MTF2: variants seen among roughly 807,000 people sequenced by gnomAD.
MTF2 encodes metal response element binding transcription factor 2, also known as metal-response element-binding transcription factor 2.
MTF2 carries 11 observed loss-of-function variants against 79.5 expected under a neutral mutation model. The observed-to-expected ratio is 0.14, with a 90% CI of 0.09 to 0.23. The LOEUF is 0.23. MTF2 is among the 10% of genes least tolerant of loss of function. The pLI is 1.00. For synonymous variants in MTF2, 208 were observed against 232.8 expected, an observed-to-expected ratio of 0.89 and a Z score of 0.97; for missense variants, 486 against 711.2, an observed-to-expected ratio of 0.68 and a Z score of 3.60.
At chr1:93,122,637 T>C (rs1392176608) in intron 9 of MTF2, among the ~76,000 whole-genome samples, 2 of 152,142 alleles carry the variant, frequency 1.3e-5, no homozygotes, top group African/African-American at 4.8e-5. Flanking sequence ...GCAAATTATT[T>C]CCACTTTTTG....
intron 1 of MTF2, among the ~76,000 whole-genome samples, chr1:93,087,459 C>G (rs544514009): frequency 6.6e-6 from 1 of 151,974 alleles, no homozygotes; most frequent in African/African-American, 2.4e-5. Context: ...GTAATCCCAG[C>G]TACTCAGGAG....
At chr1:93,081,566 C>G (rs1356589823) in intron 1 of MTF2, among the ~76,000 whole-genome samples, 1 of 152,094 alleles carries the variant, frequency 6.6e-6, no homozygotes, top group African/African-American at 2.4e-5. Context: ...ACTTTGTTTT[C>G]CCTGTTCTTC....
Position 93,110,372 on chromosome 1 carries a change from C to G in MTF2, c.148C>G (p.Gln50Glu). ...GCCAGCATGTAAATTTGAAGAGGGT[C>G]AGGATGTCCTAGCTAGATGGTCAGA... ...KKPACKFEEG[Q>E]DVLARWSDGL... is the part of the protein sequence containing the mutation. Residue 50 changes from glutamine (Q) to glutamate (E), a missense_variant, in exon 2 of 15, where the codon CAG (glutamine) becomes GAG (glutamate). This residue lies in a region of MTF2 where 75 missense variants were observed against 83.8 expected (regional missense o/e 0.89). Coordinates refer to ENST00000370298, the MANE Select transcript of MTF2 (RefSeq NM_007358.4). 6.2e-7 allele frequency: 1 copy of G among 1,614,156 alleles called. No individual in the cohort carries two copies. Among genetic ancestry groups the G allele is most frequent in the Non-Finnish European group, 8.5e-7 (1 of 1,180,034 alleles).
Position 93,102,613 on chromosome 1 carries a change from C to T in MTF2, c.6-7617C>T, listed in dbSNP as rs145972763. 4.5e-3 allele frequency among the ~76,000 whole-genome samples: 682 copies of T among 151,584 alleles called. 1 individual carries two copies. The highest frequency in any genetic ancestry group is 0.014 in the Middle Eastern group (4 of 294). ...TCTCAAAAAAAAAATTGTTAACAAA[C>T]CTATGAGAAACATGCTTTTTTACTA... On this transcript the variant is annotated intron_variant, in intron 1 of 14. Coordinates refer to ENST00000370298, the MANE Select transcript of MTF2 (RefSeq NM_007358.4).
chr1:93,104,032 G>A (rs908890792), intron 1 of MTF2, among the ~76,000 whole-genome samples: 4 of 151,886 alleles, frequency 2.6e-5, no homozygotes, highest in Non-Finnish European at 5.9e-5. Context: ...TCTACCTCCT[G>A]GGCTCAAGTG....
rs753754787 is a variant in MTF2, at chr1:93,136,778, G to T, written c.1533G>T (p.Gln511His). 3.1e-6 allele frequency: 5 copies of T among 1,614,158 alleles called. No individual in the cohort carries two copies. Among genetic ancestry groups the T allele is most frequent in the Non-Finnish European group, 4.2e-6 (5 of 1,180,010 alleles). The stretch of plus-strand genomic sequence containing the variant: ...TTCCAAGAAGAGCACTCCAGACTCA[G>T]AACTCAGAAATTGTAAAAGATGATG... ...GRLPRRALQT[Q>H]NSEIVKDDEG... Residue 511 changes from glutamine to histidine, a missense_variant, in exon 15 of 15, where the codon CAG becomes CAT. Around this residue, in one of 4 missense-constraint regions of MTF2, gnomAD observed 209 missense variants for 206.5 expected, o/e 1.01. Coordinates refer to ENST00000370298, the MANE Select transcript of MTF2 (RefSeq NM_007358.4).
intron 1 of MTF2, among the ~76,000 whole-genome samples, chr1:93,089,634 G>A (rs748653012): frequency 2.4e-4 from 37 of 152,104 alleles, no homozygotes; most frequent in Admixed American, 8.5e-4. Context: ...TCACGGTAGC[G>A]TTTGAACTCC....
At chr1:93,128,437 T>C (rs552727869) in intron 10 of MTF2, among the ~76,000 whole-genome samples, 1 of 151,632 alleles carries the variant, frequency 6.6e-6, no homozygotes, top group Non-Finnish European at 1.5e-5. Context: ...CACACCTGTA[T>C]TCCCAGCTAC....
rs3066513 is a variant in MTF2, at chr1:93,137,626, C to CAT, written c.*599_*600insAT. The CAT allele has an allele frequency of 0.89, 136,197 of 152,458 alleles. 61,090 individuals are homozygous for CAT. Among genetic ancestry groups the CAT allele is most frequent in the African/African-American group, 0.94 (39,194 of 41,498 alleles). 9.4% of individuals were successfully genotyped at this position (152,458 alleles called of 1,614,324 possible). A position where few individuals can be genotyped will look rare whatever the true frequency, so the allele number is the denominator to read the frequency against. On this transcript the variant is annotated 3_prime_UTR_variant, in exon 15 of 15. Coordinates refer to ENST00000370298, the MANE Select transcript of MTF2 (RefSeq NM_007358.4). ...TCTTGCATGTGCATATATATACACA[C>CAT]GTGTATATATATGTGTGTGATTATG... is the stretch of plus-strand genomic sequence containing the variant.
intron 1 of MTF2, among the ~76,000 whole-genome samples, chr1:93,094,024 C>G (rs887032668): frequency 1.3e-5 from 2 of 152,008 alleles, no homozygotes; most frequent in African/African-American, 4.8e-5. Context: ...ATTCTCAGTC[C>G]CTTGTTAGTT....
chr1:93,104,120 T>TTG (rs1322032156), intron 1 of MTF2, among the ~76,000 whole-genome samples: 6 of 149,842 alleles, frequency 4.0e-5, no homozygotes, highest in African/African-American at 9.8e-5. Context: ...TTTTTTTTTT[T>TTG]GTAGAGACAA....
In MTF2 at chr1:93,111,197, GT is replaced by G. The variant is rs143369250; in HGVS notation, c.286+574del. On this transcript the variant is annotated intron_variant, in intron 3 of 14. Coordinates refer to ENST00000370298, the MANE Select transcript of MTF2 (RefSeq NM_007358.4). ...ATTTCTATTATTAGAAACCATGATT[GT>G]TTCATGCTTTTAGCATCTGCTAAAT... Among the ~76,000 whole-genome samples, 494 of 152,212 alleles carry G rather than the reference GT, an allele frequency of 3.2e-3. 2 individuals are homozygous for G. The highest frequency in any genetic ancestry group is 0.011 in the African/African-American group (456 of 41,538).
At chr1:93,119,107 T>G (rs1381885918) in intron 7 of MTF2, among the ~76,000 whole-genome samples, 1 of 152,224 alleles carries the variant, frequency 6.6e-6, no homozygotes, top group African/African-American at 2.4e-5. Context: ...TCTCCAATGG[T>G]TAAAAACAAA....
At chr1:93,093,030 A>C (rs1343144536) in intron 1 of MTF2, among the ~76,000 whole-genome samples, 4 of 152,032 alleles carry the variant, frequency 2.6e-5, no homozygotes, top group African/African-American at 7.2e-5. Context: ...AAAATACAAA[A>C]AATTAGCCAG....
At chr1:93,079,897 G>A (rs192603226) in intron 1 of MTF2, among the ~76,000 whole-genome samples, 1 of 151,914 alleles carries the variant, frequency 6.6e-6, no homozygotes, top group Non-Finnish European at 1.5e-5. Context: ...GAGCCGAGAG[G>A]AGGAGCCGTT....
At chr1:93,117,052 TATGGGA>T (rs1656276762) in intron 6 of MTF2, among the ~76,000 whole-genome samples, 2 of 152,174 alleles carry the variant, frequency 1.3e-5, no homozygotes, top group African/African-American at 4.8e-5. Flanking sequence ...TTTGAAATAT[TATGGGA>T]ATTTCCAAAA....
intron 1 of MTF2, among the ~76,000 whole-genome samples, chr1:93,104,677 CA>C (rs35746040): frequency 0.63 from 61,044 of 96,222 alleles, 18,488 homozygotes; most frequent in East Asian, 0.88. Context: ...GACTCCATCT[CA>C]AAAAAAAAAA....
intron 6 of MTF2, among the ~76,000 whole-genome samples, 181 bp downstream of exon 6, chr1:93,115,799 C>T (rs949742390): frequency 6.6e-6 from 1 of 151,968 alleles, no homozygotes; most frequent in Non-Finnish European, 1.5e-5. Context: ...TTGATCATAT[C>T]CACACATTAA....
intron 1 of MTF2, among the ~76,000 whole-genome samples, chr1:93,104,868 C>T (rs1340026321): frequency 6.6e-6 from 1 of 150,598 alleles, no homozygotes; most frequent in Admixed American, 6.6e-5. Flanking sequence ...AAGAGACAGA[C>T]ATTCTCGGCC....
Sources: gnomAD v4.1 joint callset for allele counts (sites outside exome capture counted in the v4.1 genomes callset) on GRCh38, gnomAD v4.1.1 for gene constraint, gnomAD v4.1.1 regional missense constraint, MANE v1.5 for transcripts, NCBI Gene and HGNC (gene_info 2026-07-23, HGNC 2026-07-21) for gene names.